Variants in POLN observed in about 807,000 individuals in gnomAD.
POLN encodes DNA polymerase N.
POLN carries 108 observed loss-of-function variants against 113.5 expected under a neutral mutation model. That is an observed-to-expected ratio of 0.95 (90% CI 0.81 to 1.12). POLN has a LOEUF of 1.12. POLN is among the 50% of genes most tolerant of loss of function. The pLI is 0.00. For missense variants in POLN, 1,097 were observed against 1,077.1 expected, an observed-to-expected ratio of 1.02 and a Z score of -0.26; for synonymous variants, 386 against 391.5, an observed-to-expected ratio of 0.99 and a Z score of 0.17.
intron 20 of POLN, chr4:2,088,952 G>GTC: frequency 1.0e-6 from 1 of 960,404 alleles, no homozygotes; most frequent in Non-Finnish European, 1.6e-6. Context: ...AACGGCCTTG[G>GTC]TCCGAGACAG....
chr4:2,129,370 AT>A, intron 17 of POLN, 114 bp from the exon 18 acceptor site: 3 of 661,068 alleles, frequency 4.5e-6, no homozygotes, highest in Non-Finnish European at 5.1e-6. Context: ...AAGATTTTAA[AT>A]TTTTCCGAAT....
intron 13 of POLN, among the ~76,000 whole-genome samples, chr4:2,164,443 G>T (rs910152749): frequency 6.7e-6 from 1 of 148,308 alleles, no homozygotes; most frequent in Non-Finnish European, 1.5e-5. Context: ...GGAGGTTGCC[G>T]TGAGTTGCTA....
Position 2,128,122 on chromosome 4 carries a change from G to A in POLN, c.1973C>T (p.Thr658Ile). 1.3e-6 allele frequency: 2 copies of A among 1,589,350 alleles called. No individual in the cohort carries two copies. The highest frequency in any genetic ancestry group is 1.7e-6 in the Non-Finnish European group (2 of 1,157,672). ...SERDDVFSTL[T>I]SQWKDVPVEQ... is the part of the protein sequence containing the mutation. Reference sequence around the variant, plus strand: ...AGTTCATATATCTTACCACTGTGAAGTCAGAGTAGAAAATACATCATCTCT... The same window carrying A: ...AGTTCATATATCTTACCACTGTGAAATCAGAGTAGAAAATACATCATCTCT... The change falls in exon 19 of 26, where the codon ACT (threonine) becomes ATT (isoleucine). Residue 658 changes from threonine to isoleucine, a missense_variant. Transcript: ENST00000511885.
intron 7 of POLN, among the ~76,000 whole-genome samples, chr4:2,188,206 G>A (rs7664080): frequency 0.25 from 37,481 of 151,976 alleles, 7,133 homozygotes; most frequent in African/African-American, 0.51. Context: ...TCCTTCACAC[G>A]TGAAAAAGAG....
chr4:2,134,976 C>T (rs1278212780), intron 16 of POLN, among the ~76,000 whole-genome samples: 1 of 152,218 alleles, frequency 6.6e-6, no homozygotes. Context: ...CTTGTGCACG[C>T]ATCCCCCCAA....
chr4:2,190,154 CA>C (rs1465657967), intron 7 of POLN, among the ~76,000 whole-genome samples: 1 of 152,038 alleles, frequency 6.6e-6, no homozygotes, highest in Non-Finnish European at 1.5e-5. Flanking sequence ...TACCTGACTT[CA>C]AATTATACTA....
intron 5 of POLN, among the ~76,000 whole-genome samples, chr4:2,202,657 G>GA (rs1369440036): frequency 6.9e-6 from 1 of 144,154 alleles, no homozygotes; most frequent in East Asian, 2.2e-4. Context: ...CTGGGAGGCA[G>GA]AGGTTGCAGT....
chr4:2,181,002 A>C (rs1031236870), intron 7 of POLN, among the ~76,000 whole-genome samples: 14 of 152,312 alleles, frequency 9.2e-5, no homozygotes, highest in African/African-American at 2.9e-4. Flanking sequence ...AAATGACAGA[A>C]TCTAGGAGAG....
rs770673224 is a variant in POLN, at chr4:2,208,165, T to C, written c.536A>G (p.Asp179Gly). The stretch of plus-strand genomic sequence containing the variant: ...AGAATTTAGGTAGCCTTCGGCGTCA[T>C]CAGTATCTTCTTCCAATGCCATTTG... ...SKQMALEEDT[D>G]DAEGYLNSGN... The change falls in exon 5 of 26, where the codon GAT becomes GGT. Residue 179 changes from aspartate to glycine, a missense_variant. Coordinates refer to ENST00000511885, the MANE Select transcript of POLN (RefSeq NM_181808.4). The C allele has an allele frequency of 6.2e-7, 1 of 1,614,032 alleles. No individual in the cohort carries two copies. Among genetic ancestry groups the C allele is most frequent in the Non-Finnish European group, 8.5e-7 (1 of 1,179,890 alleles).
chr4:2,124,614 T>C (rs1269626923), intron 19 of POLN, among the ~76,000 whole-genome samples: 2 of 152,084 alleles, frequency 1.3e-5, no homozygotes, highest in African/African-American at 4.8e-5. Flanking sequence ...TTATGGTCTG[T>C]GAATTATATC....
chr4:2,075,325 A>G (rs533967317), intron 24 of POLN, 127 bp downstream of exon 24: 5 of 1,024,696 alleles, frequency 4.9e-6, no homozygotes, highest in East Asian at 5.2e-5. Flanking sequence ...CACAGCAGCA[A>G]TGAGGTGGGG....
chr4:2,174,044 T>C (rs1297416145), intron 10 of POLN, 25 bp from the exon 11 acceptor site: 1 of 1,610,712 alleles, frequency 6.2e-7, no homozygotes, highest in South Asian at 1.1e-5. Flanking sequence ...CCAAACCAGA[T>C]CATATTTGCA....
At chr4:2,133,840 C>T (rs567965478) in intron 16 of POLN, among the ~76,000 whole-genome samples, 19 of 152,278 alleles carry the variant, frequency 1.2e-4, no homozygotes, top group African/African-American at 3.8e-4. Context: ...TGAGATCCCC[C>T]GACTTCATAA....
intron 13 of POLN, among the ~76,000 whole-genome samples, chr4:2,166,403 C>T (rs1322998884): frequency 6.6e-6 from 1 of 152,210 alleles, no homozygotes; most frequent in Non-Finnish European, 1.5e-5. Context: ...GTGTCACTCT[C>T]CCTGTTATTA....
intron 13 of POLN, among the ~76,000 whole-genome samples, chr4:2,167,128 C>T (rs1238126394): frequency 6.6e-6 from 1 of 152,174 alleles, no homozygotes; most frequent in Non-Finnish European, 1.5e-5. Flanking sequence ...ATCTGTCCTG[C>T]TCACGGCTGT....
At chr4:2,219,234 C>T (rs1009069160) in intron 3 of POLN, among the ~76,000 whole-genome samples, 3 of 152,144 alleles carry the variant, frequency 2.0e-5, no homozygotes, top group Admixed American at 6.5e-5. Context: ...GCGCCTCTGA[C>T]GGAGAAACCA....
At chr4:2,164,017 A>C (rs56159622) in intron 13 of POLN, among the ~76,000 whole-genome samples, 6,441 of 152,302 alleles carry the variant, frequency 0.042, 170 homozygotes, top group Admixed American at 0.051. Flanking sequence ...TGCACAACTC[A>C]GAAAACTCAA....
chr4:2,196,818 T>C (rs1733587639), intron 6 of POLN, among the ~76,000 whole-genome samples: 1 of 152,222 alleles, frequency 6.6e-6, no homozygotes, highest in Non-Finnish European at 1.5e-5. Context: ...CTTTGTGTTT[T>C]CATAGTTTAC....
At chr4:2,239,049 CA>C in intron 2 of POLN, 1 of 1,437,806 alleles carries the variant, frequency 7.0e-7, no homozygotes, top group Non-Finnish European at 9.2e-7. Flanking sequence ...ACAGCCTATA[CA>C]AAGAAAAGCA....
Sources: allele counts gnomAD v4.1 joint callset (sites outside exome capture counted in the v4.1 genomes callset), GRCh38; gene constraint gnomAD v4.1.1; transcripts MANE v1.5; gene names NCBI Gene and HGNC (gene_info 2026-07-23, HGNC 2026-07-21).